Variants in NUMA1 observed in about 807,000 individuals in gnomAD.
NUMA1 encodes nuclear mitotic apparatus protein 1.
A neutral mutation model predicts 237.1 loss-of-function variants in NUMA1; 62 were observed. That is an observed-to-expected ratio of 0.26 (90% CI 0.21 to 0.32). The LOEUF is 0.32. NUMA1 is among the 10% of genes least tolerant of loss of function. NUMA1 has a pLI of 1.00. For missense variants in NUMA1, 2,533 were observed against 2,666.5 expected (o/e 0.95, Z 1.10); for synonymous variants, 1,028 against 1,066.1 (o/e 0.96, Z 0.70).
Position 72,008,803 on chromosome 11 carries a change from G to T in NUMA1, c.5101C>A (p.Gln1701Lys). 6.2e-7 allele frequency: 1 copy of T among 1,614,130 alleles called. No individual in the cohort carries two copies. Among genetic ancestry groups the T allele is most frequent in the Non-Finnish European group, 8.5e-7 (1 of 1,180,032 alleles). ...CTCTTTAAAGCATCAGTTGCCACCT[G>T]GAATTTGCCCAGGTCTCGAAGCTGC... ...DQQLRDLGKF[Q>K]VATDALKSRE... The change falls in exon 20 of 27, where the codon CAG (glutamine) becomes AAG (lysine). Residue 1701 changes from glutamine (Q) to lysine (K), a missense_variant. Around this residue, in one of 3 missense-constraint regions of NUMA1, gnomAD observed 795 missense variants for 750.8 expected, o/e 1.06. Coordinates refer to ENST00000393695, the MANE Select transcript of NUMA1 (RefSeq NM_006185.4).
At chr11:72,064,626 A>T (rs1454256012) in intron 2 of NUMA1, among the ~76,000 whole-genome samples, 1 of 152,150 alleles carries the variant, frequency 6.6e-6, no homozygotes, top group Non-Finnish European at 1.5e-5. Flanking sequence ...TGGGCTCAGG[A>T]GTTCAAGACC....
chr11:72,014,875 C>G lies in NUMA1; in HGVS notation c.2628G>C (p.Glu876Asp). The G allele has an allele frequency of 6.2e-7, 1 of 1,614,260 alleles. No homozygotes were observed. The highest frequency in any genetic ancestry group is 8.5e-7 in the Non-Finnish European group (1 of 1,180,056). The change falls in exon 15 of 27, where the codon GAG becomes GAC. Residue 876 changes from glutamate to aspartate, a missense_variant. By Grantham distance (45) the Glu-to-Asp change is conservative. Coordinates refer to ENST00000393695, the MANE Select transcript of NUMA1 (RefSeq NM_006185.4). The surrounding 1 kb of genome is among the most constrained non-coding windows in gnomAD (Gnocchi z 4.6). ...QISRQQNELA[E>D]LHANLARALQ... ...GTGCTCTGGCCAGGTTGGCATGGAG[C>G]TCAGCTAGTTCGTTCTGCTGCCGGC...
chr11:72,069,580 C>T (rs907533221), intron 2 of NUMA1, among the ~76,000 whole-genome samples: 14 of 152,314 alleles, frequency 9.2e-5, no homozygotes, highest in African/African-American at 2.9e-4. Context: ...TGTTTAGTGT[C>T]TGGCTCACAA....
intron 2 of NUMA1, among the ~76,000 whole-genome samples, chr11:72,063,608 CAAAAAAAAAAA>C (rs71052848): frequency 9.8e-5 from 6 of 61,110 alleles, no homozygotes; most frequent in African/African-American, 3.4e-4. Context: ...TACCAAAACT[CAAAAAAAAAAA>C]AAAAAAAAAA....
intron 15 of NUMA1, 39 bp from the exon 16 acceptor site, chr11:72,012,481 G>A (rs1455365993): frequency 1.9e-6 from 3 of 1,595,304 alleles, no homozygotes; most frequent in South Asian, 1.1e-5. Context: ...AGAGTGAGAT[G>A]AGGCCAAAGA....
intron 3 of NUMA1, among the ~76,000 whole-genome samples, chr11:72,030,030 T>C (rs1024043321): frequency 3.3e-5 from 5 of 152,064 alleles, no homozygotes; most frequent in African/African-American, 1.2e-4. Flanking sequence ...AACAAGATGA[T>C]TTTTTAAAAA....
At chr11:72,048,662 C>T (rs1407483192) in intron 2 of NUMA1, among the ~76,000 whole-genome samples, 3 of 152,154 alleles carry the variant, frequency 2.0e-5, no homozygotes, top group African/African-American at 4.8e-5. Flanking sequence ...AGTGAGCCAC[C>T]GTGCCAGGCC....
chr11:72,075,266 T>G (rs1943657907), intron 1 of NUMA1, among the ~76,000 whole-genome samples: 1 of 152,122 alleles, frequency 6.6e-6, no homozygotes. Flanking sequence ...AAACCCCATT[T>G]CACATTTGCC....
In NUMA1 at chr11:72,005,309, T is replaced by C. The variant is rs754387219; in HGVS notation, c.5753A>G (p.Asn1918Ser). 3 of 1,608,430 alleles carry C rather than the reference T, an allele frequency of 1.9e-6. No homozygotes were observed. The highest frequency in any genetic ancestry group is 2.5e-6 in the Non-Finnish European group (3 of 1,177,440). Residue 1918 changes from asparagine (N) to serine (S), a missense_variant, in exon 23 of 27, where the codon AAC becomes AGC. Asn to Ser is a conservative substitution (Grantham distance 46). Coordinates refer to ENST00000393695, the MANE Select transcript of NUMA1 (RefSeq NM_006185.4). ...GCGCTGCTGCAGCTCTGCAATGCGG[T>C]TCCAGTCATCCAGCTGCTCAGGCTC... ...QDEPEQLDDW[N>S]RIAELQQRNR...
At position 72,008,711 on chromosome 11, in the gene NUMA1, C is replaced by T; in HGVS notation, c.5193G>A (p.Glu1731=). Residue 1731 remains glutamate, a synonymous_variant, in exon 20 of 27, where the codon GAG becomes GAA. Coordinates refer to ENST00000393695, the MANE Select transcript of NUMA1 (RefSeq NM_006185.4). The part of the protein sequence containing the change: ...SIDSLDLSCE[E]GTPLSITSKL... ...ACCTGGTGATACTGAGTGGGGTCCC[C>T]TCCTCGCAGCTCAGATCCAGGCTGT... 6.2e-7 allele frequency: 1 copy of T among 1,614,182 alleles called. No individual in the cohort carries two copies. The highest frequency in any genetic ancestry group is 1.1e-5 in the South Asian group (1 of 91,086).
At chr11:72,004,843 G>A (rs1199513618) in intron 23 of NUMA1, 27 bp from the exon 24 acceptor site, 1 of 1,539,852 alleles carries the variant, frequency 6.5e-7, no homozygotes, top group Admixed American at 2.0e-5. Flanking sequence ...GGTGGTCAGT[G>A]GACCATAGCT....
At chr11:72,046,526 A>T (rs1185903480) in intron 2 of NUMA1, among the ~76,000 whole-genome samples, 1 of 151,846 alleles carries the variant, frequency 6.6e-6, no homozygotes, top group Non-Finnish European at 1.5e-5. Context: ...CCTGGGTAAC[A>T]AGGGTGAAAC....
At chr11:72,043,163 G>A (rs1941792993) in intron 2 of NUMA1, among the ~76,000 whole-genome samples, 1 of 151,454 alleles carries the variant, frequency 6.6e-6, no homozygotes. Flanking sequence ...ATTAAACTGA[G>A]GAGATGACAG....
At chr11:72,064,414 A>G (rs1943108489) in intron 2 of NUMA1, among the ~76,000 whole-genome samples, 1 of 152,036 alleles carries the variant, frequency 6.6e-6, no homozygotes, top group South Asian at 2.1e-4. Context: ...GTGAGCTAGG[A>G]TTGCAACTGT....
intron 4 of NUMA1, 44 bp downstream of exon 4, chr11:72,029,161 C>G (rs532695824): frequency 3.5e-6 from 5 of 1,414,346 alleles, no homozygotes; most frequent in Middle Eastern, 2.2e-4. Flanking sequence ...CCCCAGCAAT[C>G]AGCTTTGCCT....
intron 1 of NUMA1, among the ~76,000 whole-genome samples, chr11:72,070,827 C>A (rs969501007): frequency 6.6e-6 from 1 of 152,172 alleles, no homozygotes; most frequent in Admixed American, 6.5e-5. Context: ...AAACGCTGCA[C>A]CCCCCTAAAG....
intron 4 of NUMA1, among the ~76,000 whole-genome samples, chr11:72,025,203 T>G (rs1306795036): frequency 6.6e-6 from 1 of 152,198 alleles, no homozygotes; most frequent in Non-Finnish European, 1.5e-5. Context: ...ACTAGTATTC[T>G]TGATTAGTGG....
chr11:72,017,082 G>C (rs1047202901), intron 13 of NUMA1: 1 of 160,996 alleles, frequency 6.2e-6, no homozygotes, highest in African/African-American at 2.4e-5. Flanking sequence ...TCCCAGATTC[G>C]AGAGCTTCTT....
intron 2 of NUMA1, among the ~76,000 whole-genome samples, chr11:72,051,819 A>C (rs1260491711): frequency 6.6e-6 from 1 of 152,206 alleles, no homozygotes; most frequent in Non-Finnish European, 1.5e-5. Flanking sequence ...AGGAAGAGAC[A>C]CATCTGTAAC....
Sources: allele counts gnomAD v4.1 joint callset (sites outside exome capture counted in the v4.1 genomes callset), GRCh38; gene constraint gnomAD v4.1.1; regional missense constraint gnomAD v4.1.1; non-coding constraint Gnocchi (gnomAD v3.1); transcripts MANE v1.5; gene names NCBI Gene and HGNC (gene_info 2026-07-23, HGNC 2026-07-21).